The following SRCIN1 variants were observed in gnomAD, a reference collection of about 807,000 sequenced individuals.
SRCIN1 encodes P130Cas-associated protein.
Under a neutral mutation model 116.2 loss-of-function variants are expected in SRCIN1, and 50 were observed. The ratio of observed to expected loss-of-function variants is 0.43; its 90% CI spans 0.34 to 0.54. SRCIN1 has a LOEUF of 0.54. SRCIN1 is among the 20% of genes least tolerant of loss of function. The pLI is 0.02. For synonymous variants in SRCIN1, 736 were observed against 750.0 expected (o/e 0.98, Z 0.30); for missense variants, 1,446 against 1,672.0 (o/e 0.86, Z 2.36).
At position 38,578,478 on chromosome 17, in the gene SRCIN1, G is replaced by C; in HGVS notation, c.324+12C>G. The C allele has an allele frequency of 6.4e-7, 1 of 1,551,106 alleles. No homozygotes were observed. On this transcript the variant is annotated intron_variant, in intron 2 of 18. Transcript: ENST00000617146. Reference sequence around the variant, plus strand: ...CGGCCGCAGCCGCAGCCGCAGCCGGGAGCCCACTCACCTGCTCTCGCATCC... The same window carrying C: ...CGGCCGCAGCCGCAGCCGCAGCCGGCAGCCCACTCACCTGCTCTCGCATCC...
intron 17 of SRCIN1, among the ~76,000 whole-genome samples, chr17:38,547,288 C>T (rs768186195): frequency 1.3e-5 from 2 of 152,160 alleles, no homozygotes; most frequent in African/African-American, 2.4e-5. Context: ...AGCCCCTCCC[C>T]GGCACAGGCA....
chr17:38,539,783 G>A (rs1904613656), intron 18 of SRCIN1, among the ~76,000 whole-genome samples: 7 of 152,048 alleles, frequency 4.6e-5, no homozygotes, highest in Admixed American at 4.6e-4. Flanking sequence ...CACTTTGGGA[G>A]GCTGAGGCAG....
intron 1 of SRCIN1, chr17:38,601,034 G>A (rs1307753339): frequency 2.0e-5 from 3 of 152,290 alleles, no homozygotes; most frequent in Non-Finnish European, 2.9e-5. Flanking sequence ...CTTCAAGCAG[G>A]CACCATTAAT....
At position 38,544,062 on chromosome 17, in the gene SRCIN1, C is replaced by A; in HGVS notation, c.3271-93G>T. 1 of 1,436,622 alleles carries A rather than the reference C, an allele frequency of 7.0e-7. No homozygotes were observed. Among genetic ancestry groups the A allele is most frequent in the East Asian group, 2.5e-5 (1 of 39,596 alleles). 89.0% of individuals were successfully genotyped at this position (1,436,622 alleles called of 1,614,324 possible). On this transcript the variant is annotated intron_variant, in intron 17 of 18. Coordinates refer to ENST00000617146, the MANE Select transcript of SRCIN1 (RefSeq NM_025248.3). This position sits in a 1 kb window ranked among gnomAD's most constrained non-coding sequence, Gnocchi z 4.5. ...ACTGGGTGGGGTCTCGGGGCTGGGACCTCCTCAGTGGGGCCCTTTGAGACC... is the reference window on the plus strand; with the variant it reads ...ACTGGGTGGGGTCTCGGGGCTGGGAACTCCTCAGTGGGGCCCTTTGAGACC...
In SRCIN1 at chr17:38,531,976, A is replaced by G. The variant is rs1408786676; in HGVS notation, c.*1321T>C. ...CCTATCCTCTCCCTACCGGCTCCTC[A>G]CTGTGCCCTCTGGGGGGCCAGGAGT... On this transcript the variant is annotated 3_prime_UTR_variant, in exon 19 of 19. Coordinates refer to ENST00000617146, the MANE Select transcript of SRCIN1 (RefSeq NM_025248.3). 1 of 152,420 alleles carries G rather than the reference A, an allele frequency of 6.6e-6. No homozygotes were observed. The highest frequency in any genetic ancestry group is 2.4e-5 in the African/African-American group (1 of 41,376). The allele number at this position is 152,420 out of a possible 1,614,324, so 9.4% of individuals were successfully genotyped here. A position where few individuals can be genotyped will look rare whatever the true frequency, so the allele number is the denominator to read the frequency against.
rs141455047 is a variant in SRCIN1, at chr17:38,558,252, C to T, written c.2176G>A (p.Glu726Lys). The stretch of plus-strand genomic sequence containing the variant: ...TTGAGCTGCTGGGTAATAAGCTCCT[C>T]GTCGTTGAGATAGCGCAGCCGTTCC... ...EEERLRYLND[E>K]ELITQQLNDL... Residue 726 changes from glutamate (E) to lysine (K), a missense_variant, in exon 11 of 19, where the codon GAG becomes AAG. By Grantham distance (56) the Glu-to-Lys change is moderately conservative. This residue lies in a region of SRCIN1 where 531 missense variants were observed against 633.9 expected (regional missense o/e 0.84). Coordinates refer to ENST00000617146, the MANE Select transcript of SRCIN1 (RefSeq NM_025248.3). The surrounding 1 kb of genome is among the most constrained non-coding windows in gnomAD (Gnocchi z 4.6). 2 of 1,613,004 alleles carry T rather than the reference C, an allele frequency of 1.2e-6. No individual in the cohort carries two copies. The highest frequency in any genetic ancestry group is 1.7e-6 in the Non-Finnish European group (2 of 1,179,632).
intron 1 of SRCIN1, among the ~76,000 whole-genome samples, chr17:38,586,724 TA>T (rs1466367461): frequency 1.3e-5 from 2 of 152,164 alleles, no homozygotes; most frequent in African/African-American, 4.8e-5. Context: ...AAAGGGCAGC[TA>T]GGGAGGGTGC....
In SRCIN1 at chr17:38,563,629, C is replaced by T; in HGVS notation, c.542-108G>A. On this transcript the variant is annotated intron_variant, in intron 4 of 18. Coordinates refer to ENST00000617146, the MANE Select transcript of SRCIN1 (RefSeq NM_025248.3). This position sits in a 1 kb window ranked among gnomAD's most constrained non-coding sequence, Gnocchi z 5.8. ...TGCGCCAGCCCCGCAGCGGCAGGGTCTGAGGCTAGACGCCGCCCCCGAGTG... is the reference window on the plus strand; with the variant it reads ...TGCGCCAGCCCCGCAGCGGCAGGGTTTGAGGCTAGACGCCGCCCCCGAGTG... 1.4e-6 allele frequency: 2 copies of T among 1,448,228 alleles called. No homozygotes were observed. The highest frequency in any genetic ancestry group is 1.9e-6 in the Non-Finnish European group (2 of 1,067,102). The allele number at this position is 1,448,228 out of a possible 1,614,324, so 89.7% of individuals were successfully genotyped here. A position where few individuals can be genotyped will look rare whatever the true frequency, so the allele number is the denominator to read the frequency against.
intron 1 of SRCIN1, among the ~76,000 whole-genome samples, chr17:38,598,024 G>C (rs1908813385): frequency 6.6e-6 from 1 of 152,200 alleles, no homozygotes; most frequent in South Asian, 2.1e-4. Context: ...GGAAGCTCCA[G>C]GAAGCCCCGC....
chr17:38,594,231 T>C (rs1056249181), intron 1 of SRCIN1, among the ~76,000 whole-genome samples: 1 of 152,212 alleles, frequency 6.6e-6, no homozygotes, highest in Non-Finnish European at 1.5e-5. Flanking sequence ...CGCGTTCTCC[T>C]GGCTTCTCCC....
intron 18 of SRCIN1, among the ~76,000 whole-genome samples, chr17:38,534,457 A>G (rs1416349375): frequency 6.6e-6 from 1 of 152,084 alleles, no homozygotes; most frequent in Non-Finnish European, 1.5e-5. Flanking sequence ...TTGTAATTGT[A>G]CCCACTGTCC....
rs1223543653 is a variant in SRCIN1 at position 38,568,561 on chromosome 17, A to G, written c.325-330T>C. 6.6e-6 allele frequency among the ~76,000 whole-genome samples: 1 copy of G among 152,214 alleles called. No individual in the cohort carries two copies. The highest frequency in any genetic ancestry group is 1.5e-5 in the Non-Finnish European group (1 of 68,040). On this transcript the variant is annotated intron_variant, in intron 2 of 18. Coordinates refer to ENST00000617146, the MANE Select transcript of SRCIN1 (RefSeq NM_025248.3). The surrounding 1 kb of genome is among the most constrained non-coding windows in gnomAD (Gnocchi z 4.5). ...CGACAAAGCTGAGCTGTGGGGTCAG[A>G]GAAATGGCAGGCCAGGGAACAGTGC... is the stretch of plus-strand genomic sequence containing the variant.
Position 38,563,176 on chromosome 17 carries a change from AG to A in SRCIN1, c.740+146del. The A allele has an allele frequency of 1.2e-6, 1 of 854,224 alleles. No homozygotes were observed. Among genetic ancestry groups the A allele is most frequent in the Non-Finnish European group, 1.8e-6 (1 of 566,518 alleles). The allele number at this position is 854,224 out of a possible 1,614,324, so 52.9% of individuals were successfully genotyped here. ...GGGTGGGGGCTGAGATGGCCGAGGA[AG>A]GGGGCGGGGCGGTAGGGCTCTGGGA... On this transcript the variant is annotated intron_variant, in intron 5 of 18. Transcript: ENST00000617146. This position sits in a 1 kb window ranked among gnomAD's most constrained non-coding sequence, Gnocchi z 5.8.
intron 1 of SRCIN1, among the ~76,000 whole-genome samples, chr17:38,591,005 C>A (rs960065461): frequency 1.3e-5 from 2 of 152,194 alleles, no homozygotes; most frequent in African/African-American, 4.8e-5. Flanking sequence ...AGAGCCACCC[C>A]CAGATCACAG....
At chr17:38,534,181 C>T (rs894813215) in intron 18 of SRCIN1, among the ~76,000 whole-genome samples, 6 of 152,192 alleles carry the variant, frequency 3.9e-5, no homozygotes, top group African/African-American at 1.4e-4. Context: ...CTTCGGTGGA[C>T]TCCCGCAACT....
rs1414721846 is a variant in SRCIN1 at position 38,531,193 on chromosome 17, C to T, written c.*2104G>A. 2.0e-5 allele frequency: 3 copies of T among 151,996 alleles called. No individual in the cohort carries two copies. Among genetic ancestry groups the T allele is most frequent in the African/African-American group, 2.4e-5 (1 of 41,246 alleles). The allele number at this position is 151,996 out of a possible 1,614,324, so 9.4% of individuals were successfully genotyped here. A position where few individuals can be genotyped will look rare whatever the true frequency, so the allele number is the denominator to read the frequency against. ...GCTGAGGGTGGGAGCTGGGGGCAAG[C>T]GAAGTAGCAAGCAGAGAGTAATGGA... On this transcript the variant is annotated 3_prime_UTR_variant, in exon 19 of 19. Transcript: ENST00000617146.
chr17:38,589,939 C>A (rs1400559022), intron 1 of SRCIN1, among the ~76,000 whole-genome samples: 1 of 152,198 alleles, frequency 6.6e-6, no homozygotes, highest in Non-Finnish European at 1.5e-5. Context: ...GGAGACTTGG[C>A]AAGTCGGCTT....
chr17:38,606,692 C>A (rs1295362311), upstream of SRCIN1, among the ~76,000 whole-genome samples: 2 of 152,238 alleles, frequency 1.3e-5, no homozygotes, highest in African/African-American at 4.8e-5. This position sits in a 1 kb window ranked among gnomAD's most constrained non-coding sequence, Gnocchi z 5.2. Context: ...CTACTTCAGC[C>A]CGCAGAGCAC....
intron 10 of SRCIN1, 165 bp downstream of exon 10, chr17:38,559,420 G>C (rs1427390781): frequency 1.5e-6 from 1 of 686,740 alleles, no homozygotes; most frequent in African/African-American, 1.9e-5. Context: ...TCAAGAAAGG[G>C]GAAGGGGAGA....
Sources: allele counts gnomAD v4.1 joint callset (sites outside exome capture counted in the v4.1 genomes callset), GRCh38; gene constraint gnomAD v4.1.1; regional missense constraint gnomAD v4.1.1; non-coding constraint Gnocchi (gnomAD v3.1); transcripts MANE v1.5; gene names NCBI Gene and HGNC (gene_info 2026-07-23, HGNC 2026-07-21).